Variants in PHC3 observed in about 807,000 individuals in gnomAD.
The protein encoded by PHC3 is polyhomeotic-like protein 3.
PHC3 carries 13 observed loss-of-function variants against 107.4 expected under a neutral mutation model. The ratio of observed to expected loss-of-function variants is 0.12; its 90% CI spans 0.08 to 0.19. The LOEUF (loss-of-function observed/expected upper bound fraction) is 0.19, where lower values mean the gene tolerates loss of function less well. Ranked by LOEUF, PHC3 falls within the 10% of genes least tolerant of loss-of-function variation. PHC3 has a pLI of 1.00. For missense variants in PHC3, 992 were observed against 1,210.9 expected, an observed-to-expected ratio of 0.82 and a Z score of 2.68; for synonymous variants, 456 against 427.4, an observed-to-expected ratio of 1.07 and a Z score of -0.83.
At chr3:170,148,997 T>C (rs1725461215) in intron 5 of PHC3, 89 bp downstream of exon 5, 1 of 1,326,992 alleles carries the variant, frequency 7.5e-7, no homozygotes, top group Non-Finnish European at 1.0e-6. Context: ...TCTTAAATAT[T>C]AAAAATACCT....
At chr3:170,120,615 T>C (rs1226924320) in intron 9 of PHC3, among the ~76,000 whole-genome samples, 1 of 152,100 alleles carries the variant, frequency 6.6e-6, no homozygotes, top group Non-Finnish European at 1.5e-5. Flanking sequence ...AAATATTTTA[T>C]ATAAGTTTAT....
intron 7 of PHC3, among the ~76,000 whole-genome samples, chr3:170,130,413 C>A (rs1175670527): frequency 6.6e-6 from 1 of 152,130 alleles, no homozygotes; most frequent in South Asian, 2.1e-4. Flanking sequence ...TCATTTGACC[C>A]AGGAAGAGAA....
chr3:170,164,469 C>A (rs572899759), intron 4 of PHC3, among the ~76,000 whole-genome samples: 1 of 152,022 alleles, frequency 6.6e-6, no homozygotes, highest in Non-Finnish European at 1.5e-5. Flanking sequence ...AATGGATACA[C>A]GCAAATAACT....
rs192892516 is a variant in PHC3 at position 170,177,581 on chromosome 3, G to A, written c.180+1192C>T. On this transcript the variant is annotated intron_variant, in intron 2 of 14. Coordinates refer to ENST00000495893, the MANE Select transcript of PHC3 (RefSeq NM_024947.4). ...GGGGTTTCACCATGTTGATCAGGCT[G>A]GTCTCAAACACCTGACCTCAAGTGA... 2.2e-4 allele frequency among the ~76,000 whole-genome samples: 33 copies of A among 151,964 alleles called. 1 individual carries two copies. In the East Asian group the frequency reaches 6.0e-3, roughly 28 times the overall value.
chr3:170,124,156 A>G (rs187203459), intron 8 of PHC3, among the ~76,000 whole-genome samples: 10 of 152,106 alleles, frequency 6.6e-5, no homozygotes, highest in Non-Finnish European at 1.3e-4. Context: ...CCAATACCTT[A>G]TTATTAATGT....
intron 12 of PHC3, among the ~76,000 whole-genome samples, chr3:170,103,986 C>T (rs1715983056): frequency 6.6e-6 from 1 of 152,184 alleles, no homozygotes; most frequent in African/African-American, 2.4e-5. Flanking sequence ...GGGTGGATGG[C>T]TTGAGCCCAG....
chr3:170,171,514 A>C (rs965999942), intron 3 of PHC3, 64 bp from the exon 4 acceptor site: 1 of 1,141,792 alleles, frequency 8.8e-7, no homozygotes, highest in Non-Finnish European at 1.2e-6. Context: ...TTCTGGTACC[A>C]TGATAACACA....
intron 10 of PHC3, among the ~76,000 whole-genome samples, chr3:170,115,139 T>TTA (rs1443142779): frequency 6.6e-6 from 1 of 152,218 alleles, no homozygotes; most frequent in South Asian, 2.1e-4. Flanking sequence ...TGTGTATGAT[T>TTA]TATATATATA....
Position 170,122,933 on chromosome 3 carries a change from T to G in PHC3, c.1789-189A>C, listed in dbSNP as rs1212944079. Among the ~76,000 whole-genome samples the G allele has an allele frequency of 8.5e-5, 13 of 152,358 alleles. No individual in the cohort carries two copies. In the East Asian group the frequency reaches 2.3e-3, roughly 27 times the overall value. On this transcript the variant is annotated intron_variant, in intron 8 of 14. Coordinates refer to ENST00000495893, the MANE Select transcript of PHC3 (RefSeq NM_024947.4). ...GTTTTTCATATTTCTTCATAATATT[T>G]GACTGAAAGCAAGCTGTGGATCAGT...
chr3:170,116,801 C>T (rs1334695239), intron 10 of PHC3, among the ~76,000 whole-genome samples: 1 of 151,812 alleles, frequency 6.6e-6, no homozygotes, highest in Non-Finnish European at 1.5e-5. Flanking sequence ...GTCTCAGCTA[C>T]TCAGGTGGCT....
intron 8 of PHC3, among the ~76,000 whole-genome samples, chr3:170,124,897 G>A (rs908077442): frequency 1.3e-5 from 2 of 151,974 alleles, no homozygotes; most frequent in Admixed American, 6.6e-5. Context: ...GGTAACAATA[G>A]GTGACAATCA....
At chr3:170,128,132 C>T (rs1721652043) in intron 8 of PHC3, among the ~76,000 whole-genome samples, 1 of 152,022 alleles carries the variant, frequency 6.6e-6, no homozygotes, top group South Asian at 2.1e-4. Context: ...TGGACTCTCT[C>T]CTAGAATAAT....
At chr3:170,139,812 C>T (rs192536067) in intron 6 of PHC3, among the ~76,000 whole-genome samples, 17 of 152,258 alleles carry the variant, frequency 1.1e-4, no homozygotes, top group Admixed American at 5.9e-4. Context: ...ATAACATATA[C>T]GGATTTCCTT....
intron 4 of PHC3, among the ~76,000 whole-genome samples, chr3:170,151,142 C>T (rs530461963): frequency 4.6e-5 from 7 of 151,508 alleles, no homozygotes; most frequent in Admixed American, 1.3e-4. Context: ...ACCCGGGAGG[C>T]GGAGGTTGCA....
At position 170,126,504 on chromosome 3, in the gene PHC3, G is replaced by GTATA. The variant is rs1174515889; in HGVS notation, c.1788+2176_1788+2179dup. ...GTTTTCAAAGTATTATGCTCCATAT[G>GTATA]TATATATATATATATATATATATAT... On this transcript the variant is annotated intron_variant, in intron 8 of 14. Coordinates refer to ENST00000495893, the MANE Select transcript of PHC3 (RefSeq NM_024947.4). Among the ~76,000 whole-genome samples, 559 of 117,214 alleles carry GTATA rather than the reference G, an allele frequency of 4.8e-3. 6 individuals are homozygous for GTATA. The highest frequency in any genetic ancestry group is 6.5e-3 in the Admixed American group (69 of 10,638). 76.9% of individuals were successfully genotyped at this position (117,214 alleles called of 152,430 possible).
At chr3:170,171,513 C>A in intron 3 of PHC3, 63 bp from the exon 4 acceptor site, 4 of 1,138,154 alleles carry the variant, frequency 3.5e-6, no homozygotes, top group East Asian at 2.6e-5. Context: ...TTTCTGGTAC[C>A]ATGATAACAC....
intron 11 of PHC3, among the ~76,000 whole-genome samples, chr3:170,110,055 A>T (rs778030511): frequency 3.3e-5 from 5 of 151,956 alleles, no homozygotes; most frequent in Non-Finnish European, 5.9e-5. Flanking sequence ...TCCTTTCCTT[A>T]CTCTGATATC....
rs1351391952 is a variant in PHC3 at position 170,089,223 on chromosome 3, A to C, written c.*8007T>G. ...TAAACTATTTTTAATAGATATTTTC[A>C]TTCTATATCTTTATGGAGAATGTCA... On this transcript the variant is annotated 3_prime_UTR_variant, in exon 15 of 15. Transcript: ENST00000495893. The C allele has an allele frequency of 6.6e-6, 1 of 152,210 alleles. No individual in the cohort carries two copies. Among genetic ancestry groups the C allele is most frequent in the African/African-American group, 2.4e-5 (1 of 41,462 alleles). 9.4% of individuals were successfully genotyped at this position (152,210 alleles called of 1,614,324 possible).
intron 4 of PHC3, among the ~76,000 whole-genome samples, chr3:170,151,144 G>C (rs1380674737): frequency 2.6e-5 from 4 of 152,052 alleles, no homozygotes; most frequent in African/African-American, 9.7e-5. Flanking sequence ...CCGGGAGGCG[G>C]AGGTTGCAGT....
Sources: gnomAD v4.1 joint callset for allele counts (sites outside exome capture counted in the v4.1 genomes callset) on GRCh38, gnomAD v4.1.1 for gene constraint, MANE v1.5 for transcripts, NCBI Gene and HGNC (gene_info 2026-07-23, HGNC 2026-07-21) for gene names.